The following SRGAP2 variants were observed in gnomAD, a reference collection of about 807,000 sequenced individuals.
SRGAP2 encodes SLIT-ROBO Rho GTPase-activating protein 2.
A neutral mutation model predicts 57.2 loss-of-function variants in SRGAP2; 15 were observed. The ratio of observed to expected loss-of-function variants is 0.26; its 90% CI spans 0.18 to 0.40. The LOEUF (loss-of-function observed/expected upper bound fraction) is 0.40, where lower values mean the gene tolerates loss of function less well. SRGAP2 is among the 10% of genes least tolerant of loss of function. The probability of loss-of-function intolerance (pLI) is 1.00; values close to 1 mark genes in which losing one functional copy is unlikely to be tolerated. For missense variants in SRGAP2, 520 were observed against 669.6 expected, an observed-to-expected ratio of 0.78 and a Z score of 2.47; for synonymous variants, 249 against 248.0, an observed-to-expected ratio of 1.00 and a Z score of -0.04.
chr1:206,243,732 A>T (rs1383002003), intron 2 of SRGAP2, among the ~76,000 whole-genome samples: 1 of 152,122 alleles, frequency 6.6e-6, no homozygotes, highest in Non-Finnish European at 1.5e-5. Flanking sequence ...GACCATCTGG[A>T]TCTACTCGGT....
At chr1:206,432,305 G>T (rs1216984006) in intron 14 of SRGAP2, among the ~76,000 whole-genome samples, 1 of 152,150 alleles carries the variant, frequency 6.6e-6, no homozygotes, top group East Asian at 1.9e-4. Flanking sequence ...GGGGAAACAG[G>T]CACATTTATA....
intron 3 of SRGAP2, among the ~76,000 whole-genome samples, chr1:206,325,967 A>G (rs1225068505): frequency 6.6e-6 from 1 of 151,964 alleles, no homozygotes; most frequent in Non-Finnish European, 1.5e-5. Context: ...GAAGCCTCAC[A>G]CTTACAGAAA....
chr1:206,377,271 A>G (rs781835892), intron 4 of SRGAP2, among the ~76,000 whole-genome samples: 1,905 of 151,514 alleles, frequency 0.013, 24 homozygotes, highest in South Asian at 0.027. Context: ...GTTTATATCC[A>G]TTAACTCCTG....
chr1:206,430,964 C>T (rs1245073714), intron 14 of SRGAP2, among the ~76,000 whole-genome samples: 1 of 152,122 alleles, frequency 6.6e-6, no homozygotes, highest in Non-Finnish European at 1.5e-5. Flanking sequence ...AACTGAGCAT[C>T]AGAAATTGTT....
chr1:206,390,625 A>T (rs1656835585), intron 5 of SRGAP2, among the ~76,000 whole-genome samples: 1 of 149,200 alleles, frequency 6.7e-6, no homozygotes, highest in Non-Finnish European at 1.5e-5. Flanking sequence ...GGTCAGATTC[A>T]GGTGAAAAAA....
chr1:206,216,305 G>GA (rs782624712), intron 2 of SRGAP2, among the ~76,000 whole-genome samples: 3 of 152,142 alleles, frequency 2.0e-5, no homozygotes, highest in Admixed American at 6.6e-5. Context: ...TGGAAACCAA[G>GA]AAAAATGTTA....
chr1:206,446,373 G>A (rs1373044755), intron 18 of SRGAP2, 74 bp downstream of exon 18: 5 of 755,832 alleles, frequency 6.6e-6, no homozygotes, highest in Admixed American at 1.7e-5. Flanking sequence ...ATGGCCACAC[G>A]AAAACCAAAG....
chr1:206,415,832 AT>A (rs1553361582), intron 10 of SRGAP2, 56 bp from the exon 11 acceptor site: 1 of 736,100 alleles, frequency 1.4e-6, no homozygotes. Flanking sequence ...AGCATCTGTG[AT>A]TTTTTTCTTC....
intron 2 of SRGAP2, among the ~76,000 whole-genome samples, chr1:206,297,375 G>A (rs1671649667): frequency 2.3e-5 from 1 of 42,794 alleles, no homozygotes; most frequent in Admixed American, 2.2e-4. Flanking sequence ...GTTGTGATAA[G>A]AAGTCTTGGT....
In SRGAP2 at chr1:206,462,107, G is replaced by C. The variant is rs531851242; in HGVS notation, c.*687G>C. The C allele has an allele frequency of 6.6e-6, 1 of 152,412 alleles. No individual in the cohort carries two copies. Among genetic ancestry groups the C allele is most frequent in the East Asian group, 1.9e-4 (1 of 5,180 alleles). The allele number at this position is 152,412 out of a possible 1,614,324, so 9.4% of individuals were successfully genotyped here. ...ATCTCTCCATCATATGAAACATAAC[G>C]GGATGGGACAATCCCGTAACCTGTT... On this transcript the variant is annotated 3_prime_UTR_variant, in exon 23 of 23. Transcript: ENST00000573034.
intron 2 of SRGAP2, among the ~76,000 whole-genome samples, chr1:206,278,258 G>A (rs1670531785): frequency 6.7e-6 from 1 of 149,852 alleles, no homozygotes; most frequent in African/African-American, 2.4e-5. Flanking sequence ...GTATTTAGAA[G>A]GTAATAAGTA....
At chr1:206,298,934 C>T (rs1671731973) in intron 2 of SRGAP2, among the ~76,000 whole-genome samples, 3 of 152,116 alleles carry the variant, frequency 2.0e-5, no homozygotes, top group African/African-American at 7.2e-5. Context: ...CTTGTCCTTT[C>T]TCTTCTTTGT....
At chr1:206,212,248 C>T (rs559113886) in intron 2 of SRGAP2, among the ~76,000 whole-genome samples, 118 of 145,610 alleles carry the variant, frequency 8.1e-4, no homozygotes, top group African/African-American at 2.7e-3. Context: ...GGCTTGATCA[C>T]GGCTCACTGC....
chr1:206,417,682 A>G (rs1659860537), intron 11 of SRGAP2, among the ~76,000 whole-genome samples: 1 of 152,046 alleles, frequency 6.6e-6, no homozygotes, highest in South Asian at 2.1e-4. Context: ...GGCCTCCCAA[A>G]GTGCTGGGAT....
chr1:206,203,764 C>G (rs536070022), intron 1 of SRGAP2, 114 bp downstream of exon 1: 2 of 1,483,238 alleles, frequency 1.3e-6, no homozygotes, highest in Non-Finnish European at 1.8e-6. Context: ...CTCGCGGCAT[C>G]GCCTTAGCGG....
intron 13 of SRGAP2, among the ~76,000 whole-genome samples, chr1:206,428,212 C>T (rs782233570): frequency 6.6e-6 from 1 of 151,916 alleles, no homozygotes; most frequent in East Asian, 1.9e-4. Flanking sequence ...GTCAGGAGAT[C>T]GAGACCGTCC....
chr1:206,441,814 CCA>C (rs1319320667), intron 17 of SRGAP2, among the ~76,000 whole-genome samples: 5 of 152,224 alleles, frequency 3.3e-5, no homozygotes, highest in Non-Finnish European at 1.5e-5. Context: ...CCCCAATTCA[CCA>C]CAGTCCCCAG....
At position 206,359,796 on chromosome 1, in the gene SRGAP2, C is replaced by CCCTTTTTTTTTTTTTTT. The variant is rs1558345475; in HGVS notation, c.423+16788_423+16789insCCTTTTTTTTTTTTTTT. On this transcript the variant is annotated intron_variant, in intron 4 of 22. Coordinates refer to ENST00000573034, the MANE Select transcript of SRGAP2 (RefSeq NM_015326.5). Reference sequence around the variant, plus strand: ...AGAGGATGGGGTACAAGGGATATTGCTCTTTTTTTTTTTTTTTTTTTTTTT... The same window carrying CCCTTTTTTTTTTTTTTT: ...AGAGGATGGGGTACAAGGGATATTGCCCTTTTTTTTTTTTTTTTCTTTTTTTTTTTTTTTTTTTTTTT... Among the ~76,000 whole-genome samples, 23 of 103,680 alleles carry CCCTTTTTTTTTTTTTTT rather than the reference C, an allele frequency of 2.2e-4. 1 individual carries two copies. The highest frequency in any genetic ancestry group is 1.1e-3 in the African/African-American group (23 of 21,106). The allele number at this position is 103,680 out of a possible 152,430, so 68.0% of individuals were successfully genotyped here. A position where few individuals can be genotyped will look rare whatever the true frequency, so the allele number is the denominator to read the frequency against.
At chr1:206,222,698 T>C (rs1369150218) in intron 2 of SRGAP2, among the ~76,000 whole-genome samples, 1 of 151,178 alleles carries the variant, frequency 6.6e-6, no homozygotes, top group Non-Finnish European at 1.5e-5. Flanking sequence ...GGTAGTTTTT[T>C]GTAATGGCAA....
Sources: allele counts gnomAD v4.1 joint callset (sites outside exome capture counted in the v4.1 genomes callset), GRCh38; gene constraint gnomAD v4.1.1; transcripts MANE v1.5; gene names NCBI Gene and HGNC (gene_info 2026-07-23, HGNC 2026-07-21).